Variants in FSD2 observed in about 807,000 individuals in gnomAD.
FSD2 encodes the protein fibronectin type III and SPRY domain containing 2, also known as fibronectin type III and SPRY domain-containing protein 2.
Under a neutral mutation model 80.4 loss-of-function variants are expected in FSD2, and 71 were observed. The ratio of observed to expected loss-of-function variants is 0.88; its 90% CI spans 0.73 to 1.08. The LOEUF is 1.08. FSD2 is among the 50% of genes least tolerant of loss of function. The pLI is 0.00. For missense variants in FSD2, 923 were observed against 913.8 expected, an observed-to-expected ratio of 1.01 and a Z score of -0.13; for synonymous variants, 361 against 329.5, an observed-to-expected ratio of 1.10 and a Z score of -1.03.
intron 12 of FSD2, among the ~76,000 whole-genome samples, chr15:82,761,579 G>C (rs952031459): frequency 4.6e-5 from 7 of 152,132 alleles, no homozygotes; most frequent in Non-Finnish European, 1.0e-4. Flanking sequence ...GACTGCTTGA[G>C]TTTGAATCCA....
At chr15:82,790,661 C>T (rs11856868) in intron 1 of FSD2, among the ~76,000 whole-genome samples, 38,090 of 150,914 alleles carry the variant, frequency 0.25, 4,805 homozygotes, top group Middle Eastern at 0.3. Context: ...CTGCAACCTC[C>T]GCCTCCCGGG....
At chr15:82,767,399 C>G (rs1333118031) in intron 9 of FSD2, among the ~76,000 whole-genome samples, 1 of 152,180 alleles carries the variant, frequency 6.6e-6, no homozygotes, top group Non-Finnish European at 1.5e-5. Context: ...GTAGGAGGAA[C>G]TGAAACATGA....
chr15:82,782,999 GT>G lies in FSD2; in HGVS notation c.761del (p.Asn254ThrfsTer24). 6.2e-7 allele frequency: 1 copy of G among 1,612,136 alleles called. No homozygotes were observed. Among genetic ancestry groups the G allele is most frequent in the Non-Finnish European group, 8.5e-7 (1 of 1,179,490 alleles). On this transcript the variant is annotated frameshift_variant, in exon 4 of 13. Coordinates refer to ENST00000334574, the MANE Select transcript of FSD2 (RefSeq NM_001007122.4). LOFTEE classifies it high-confidence loss of function. ...AGATCTCGTTGTAATGTGACTCAAA[GT>G]TTTGTTCTTGTTTTCCAAAATTCTC... ...VEENFGKQEQ[N>X]FESHYNEILE...
Position 82,756,144 on chromosome 15 carries a change from A to C in FSD2, c.*3204T>G. On this transcript the variant is annotated 3_prime_UTR_variant, in exon 13 of 13. Transcript: ENST00000334574. ...TTATAGATGAGAAAACTGGAGAAAG[A>C]CATAGTGAACATGTGAGAATCTTGC... The C allele has an allele frequency of 1.2e-5, 4 of 343,548 alleles. No individual in the cohort carries two copies. The highest frequency in any genetic ancestry group is 1.1e-4 in the South Asian group (4 of 38,048). The allele number at this position is 343,548 out of a possible 1,614,324, so 21.3% of individuals were successfully genotyped here. A position where few individuals can be genotyped will look rare whatever the true frequency, so the allele number is the denominator to read the frequency against.
chr15:82,761,264 T>A (rs1262869141), intron 12 of FSD2, among the ~76,000 whole-genome samples: 2 of 152,198 alleles, frequency 1.3e-5, no homozygotes, highest in Non-Finnish European at 2.9e-5. Context: ...TGTGGGGTCT[T>A]GTTTTTCAGT....
Position 82,786,797 on chromosome 15 carries a change from C to T in FSD2, c.594G>A (p.Lys198=), listed in dbSNP as rs1268602128. 1 of 1,613,998 alleles carries T rather than the reference C, an allele frequency of 6.2e-7. No homozygotes were observed. Among genetic ancestry groups the T allele is most frequent in the African/African-American group, 1.3e-5 (1 of 75,034 alleles). Residue 198 remains lysine (K), a synonymous_variant, in exon 2 of 13, where the codon AAG becomes AAA. Transcript: ENST00000334574. ...RAFQKVFDEH[K]EHEVIPLNEA... ...CATTGAGTGGGATCACTTCATGCTC[C>T]TTATGTTCATCAAAAACCTTCTGAA... is the stretch of plus-strand genomic sequence containing the variant.
chr15:82,774,616 C>A (rs530864694), intron 6 of FSD2, among the ~76,000 whole-genome samples: 1 of 152,248 alleles, frequency 6.6e-6, no homozygotes, highest in East Asian at 1.9e-4. Flanking sequence ...ATGCTAAAAA[C>A]AGATACCCAG....
At chr15:82,800,401 C>A (rs969444701) in intron 1 of FSD2, among the ~76,000 whole-genome samples, 1 of 152,002 alleles carries the variant, frequency 6.6e-6, no homozygotes, top group Non-Finnish European at 1.5e-5. Flanking sequence ...TGATAAAAGC[C>A]CCTCAGTCGG....
intron 6 of FSD2, among the ~76,000 whole-genome samples, chr15:82,775,831 G>A (rs1312280005): frequency 6.6e-6 from 1 of 152,104 alleles, no homozygotes; most frequent in Non-Finnish European, 1.5e-5. Context: ...TTGGTATGTT[G>A]TGTTTCATTT....
intron 11 of FSD2, among the ~76,000 whole-genome samples, chr15:82,764,023 C>G (rs963379774): frequency 6.6e-6 from 1 of 152,210 alleles, no homozygotes; most frequent in Non-Finnish European, 1.5e-5. Flanking sequence ...AGTTTTCCAT[C>G]AGGAGTTTTG....
chr15:82,765,802 A>C, intron 10 of FSD2, 96 bp downstream of exon 10: 15 of 1,438,342 alleles, frequency 1.0e-5, no homozygotes, highest in East Asian at 2.4e-5. Flanking sequence ...ACATCTGTGC[A>C]TATTCATCAA....
intron 1 of FSD2, among the ~76,000 whole-genome samples, chr15:82,803,196 C>G (rs1009569491): frequency 6.6e-6 from 1 of 152,140 alleles, no homozygotes; most frequent in African/African-American, 2.4e-5. Flanking sequence ...CCCACTATTT[C>G]CCTCTGTGGC....
intron 3 of FSD2, 35 bp from the exon 4 acceptor site, chr15:82,783,060 G>A (rs767192919): frequency 1.4e-5 from 20 of 1,422,230 alleles, no homozygotes; most frequent in South Asian, 3.6e-5. Flanking sequence ...TCATTTCAGC[G>A]CATGTAGTGT....
At chr15:82,764,587 T>C (rs1441301093) in intron 11 of FSD2, among the ~76,000 whole-genome samples, 1 of 147,896 alleles carries the variant, frequency 6.8e-6, no homozygotes, top group Non-Finnish European at 1.5e-5. Flanking sequence ...CAAGCAATTC[T>C]TCTGCCTCAG....
At chr15:82,774,565 C>T (rs969784306) in intron 6 of FSD2, among the ~76,000 whole-genome samples, 14 of 152,268 alleles carry the variant, frequency 9.2e-5, no homozygotes, top group Middle Eastern at 3.4e-3. Flanking sequence ...TTGGGATTCT[C>T]ATGAGCTCCA....
At chr15:82,761,856 A>G (rs1272259642) in intron 12 of FSD2, among the ~76,000 whole-genome samples, 2 of 151,966 alleles carry the variant, frequency 1.3e-5, no homozygotes, top group East Asian at 3.9e-4. Flanking sequence ...GTGAGAAGTA[A>G]ATGAGATAAT....
intron 1 of FSD2, among the ~76,000 whole-genome samples, chr15:82,789,262 A>G (rs2050081368): frequency 6.6e-6 from 1 of 151,994 alleles, no homozygotes; most frequent in African/African-American, 2.4e-5. Context: ...AAAAAGACAT[A>G]CAATATGATG....
intron 9 of FSD2, among the ~76,000 whole-genome samples, chr15:82,766,603 G>T (rs932662506): frequency 6.6e-6 from 1 of 152,056 alleles, no homozygotes; most frequent in African/African-American, 2.4e-5. Flanking sequence ...TTAACCGAGT[G>T]TGGTGGCAGG....
In FSD2 at chr15:82,759,283, G is replaced by T; in HGVS notation, c.*65C>A. 6.4e-7 allele frequency: 1 copy of T among 1,555,738 alleles called. No homozygotes were observed. Among genetic ancestry groups the T allele is most frequent in the Non-Finnish European group, 8.7e-7 (1 of 1,149,354 alleles). ...GGTGCTTAAGTGCCAGGTTCAGCCA[G>T]CTAAGGCGTGAGCAGCTGCGAGAGG... is the stretch of plus-strand genomic sequence containing the variant. On this transcript the variant is annotated 3_prime_UTR_variant, in exon 13 of 13. Transcript: ENST00000334574.
Sources: gnomAD v4.1 joint callset for allele counts (sites outside exome capture counted in the v4.1 genomes callset) on GRCh38, gnomAD v4.1.1 for gene constraint, MANE v1.5 for transcripts, NCBI Gene and HGNC (gene_info 2026-07-23, HGNC 2026-07-21) for gene names.